The following ANXA8 variants were observed in gnomAD, a reference collection of about 807,000 sequenced individuals.
ANXA8 encodes annexin A8, also known as VAC-beta.
In ANXA8, 9 loss-of-function variants were observed where a neutral mutation model predicts 26.8. The ratio of observed to expected loss-of-function variants is 0.34; its 90% CI spans 0.20 to 0.59. ANXA8 has a LOEUF of 0.59. Among genes scored for constraint, ANXA8 ranks in the 20% least tolerant of loss-of-function variants. ANXA8 has a pLI of 0.84. For missense variants in ANXA8, 83 were observed against 238.5 expected (o/e 0.35, Z 4.29); for synonymous variants, 39 against 94.8 (o/e 0.41, Z 3.42).
At chr10:47,756,494 T>A in the ANXA8 span, among the ~76,000 whole-genome samples, 2 of 141,740 alleles carry the variant, frequency 1.4e-5, no homozygotes, top group African/African-American at 5.3e-5. Context: ...TACCAGAGCC[T>A]AGCACCGCAA....
At position 47,468,762 on chromosome 10, in the gene ANXA8, C is replaced by T; in HGVS notation, c.*85G>A. On this transcript the variant is annotated 3_prime_UTR_variant, in exon 12 of 12. Coordinates refer to ENST00000585281, the MANE Select transcript of ANXA8 (RefSeq NM_001040084.3). ...GACCGAAAGGCTGGGACCCCCCTCA[C>T]ACCCAACCTGCGTCCATGGCCGAGG... The T allele has an allele frequency of 2.5e-6, 4 of 1,569,322 alleles. No individual in the cohort carries two copies. Among genetic ancestry groups the T allele is most frequent in the Non-Finnish European group, 3.5e-6 (4 of 1,158,816 alleles).
the ANXA8 span, among the ~76,000 whole-genome samples, chr10:47,700,415 C>T: frequency 6.6e-6 from 1 of 151,962 alleles, no homozygotes; most frequent in Admixed American, 6.5e-5. Flanking sequence ...AAGCTAACTT[C>T]TTAATAAATG....
At chr10:47,693,211 A>C in the ANXA8 span, among the ~76,000 whole-genome samples, 1 of 151,724 alleles carries the variant, frequency 6.6e-6, no homozygotes, top group African/African-American at 2.4e-5. Flanking sequence ...CAATATTGAT[A>C]GTCCTACCAA....
chr10:47,586,280 G>A, the ANXA8 span, among the ~76,000 whole-genome samples: 4 of 144,160 alleles, frequency 2.8e-5, no homozygotes, highest in Non-Finnish European at 5.9e-5. Context: ...TGTGCTCAGC[G>A]AGAATCTCGT....
intron 3 of ANXA8, 190 bp downstream of exon 3, chr10:47,478,342 TA>T (rs1347043330): frequency 1.7e-6 from 1 of 598,330 alleles, no homozygotes; most frequent in Admixed American, 2.8e-5. Context: ...ATCTGCCAGA[TA>T]AAACACAGGG....
chr10:47,666,107 A>G, the ANXA8 span, among the ~76,000 whole-genome samples: 1 of 149,764 alleles, frequency 6.7e-6, no homozygotes, highest in East Asian at 1.9e-4. Flanking sequence ...AATAACTTTC[A>G]CTAATTCTTT....
At chr10:47,769,266 T>C in the ANXA8 span, among the ~76,000 whole-genome samples, 1 of 150,292 alleles carries the variant, frequency 6.7e-6, no homozygotes, top group African/African-American at 2.5e-5. Flanking sequence ...TAAGGCATCT[T>C]ACGAGACCAT....
the ANXA8 span, among the ~76,000 whole-genome samples, chr10:47,665,297 A>G: frequency 6.7e-6 from 1 of 150,044 alleles, no homozygotes; most frequent in Admixed American, 6.6e-5. Context: ...CATGATTTAT[A>G]CATACTTAGA....
chr10:47,957,481 A>G, the ANXA8 span, among the ~76,000 whole-genome samples: 1 of 150,590 alleles, frequency 6.6e-6, no homozygotes, highest in African/African-American at 2.5e-5. Flanking sequence ...GCCCAGGCCT[A>G]GGGGACCGGC....
the ANXA8 span, among the ~76,000 whole-genome samples, chr10:47,633,935 T>C: frequency 3.7e-5 from 5 of 134,436 alleles, no homozygotes; most frequent in Admixed American, 3.6e-4. Context: ...ACATAGAAGT[T>C]TGGTCCTGGC....
At chr10:47,706,453 T>C in the ANXA8 span, 1 of 551,044 alleles carries the variant, frequency 1.8e-6, no homozygotes, top group Non-Finnish European at 3.1e-6. Flanking sequence ...TATATTCTTG[T>C]GTATTCTGTT....
At chr10:47,502,610 G>A in the ANXA8 span, 84 of 1,579,638 alleles carry the variant, frequency 5.3e-5, 8 homozygotes, top group East Asian at 9.4e-5. Context: ...CCAAAACTGC[G>A]GTGGATACCT....
At chr10:47,548,301 T>C in the ANXA8 span, among the ~76,000 whole-genome samples, 1 of 144,468 alleles carries the variant, frequency 6.9e-6, no homozygotes, top group African/African-American at 2.5e-5. Context: ...ATTTTTTTGC[T>C]AATTTTTTTT....
chr10:47,775,944 G>C, the ANXA8 span, among the ~76,000 whole-genome samples: 3 of 151,142 alleles, frequency 2.0e-5, no homozygotes, highest in Non-Finnish European at 4.4e-5. Context: ...AACAGGGCAG[G>C]AGCAAGACAG....
the ANXA8 span, among the ~76,000 whole-genome samples, chr10:47,957,516 C>T: frequency 6.6e-6 from 1 of 150,466 alleles, no homozygotes; most frequent in Non-Finnish European, 1.5e-5. Flanking sequence ...CCCGAGAGCG[C>T]TCTGGGAGTC....
the ANXA8 span, chr10:47,543,633 G>A: frequency 4.3e-4 from 264 of 610,648 alleles, 7 homozygotes; most frequent in South Asian, 4.4e-3. Flanking sequence ...TGTTTGTTTG[G>A]ATATCCTCCG....
the ANXA8 span, among the ~76,000 whole-genome samples, chr10:47,733,155 T>A: frequency 2.8e-3 from 255 of 92,140 alleles, no homozygotes; most frequent in African/African-American, 8.4e-3. Flanking sequence ...CTTTCTTTCT[T>A]TCTTTCTTTC....
At chr10:47,970,725 T>A in the ANXA8 span, among the ~76,000 whole-genome samples, 1 of 151,462 alleles carries the variant, frequency 6.6e-6, no homozygotes, top group African/African-American at 2.4e-5. Context: ...ACTGCCAGTG[T>A]GTTTTTCATT....
chr10:47,678,486 T>A, the ANXA8 span, among the ~76,000 whole-genome samples: 1 of 140,432 alleles, frequency 7.1e-6, no homozygotes, highest in African/African-American at 2.7e-5. Context: ...TATCTAAAGA[T>A]GAAAAATACC....
Sources: gnomAD v4.1 joint callset for allele counts (sites outside exome capture counted in the v4.1 genomes callset) on GRCh38, gnomAD v4.1.1 for gene constraint, MANE v1.5 for transcripts, NCBI Gene and HGNC (gene_info 2026-07-23, HGNC 2026-07-21) for gene names.